NDE1: variants seen among roughly 807,000 people sequenced by gnomAD.
NDE1 encodes the protein nuclear distribution protein nudE homolog 1.
A neutral mutation model predicts 43.4 loss-of-function variants in NDE1; 28 were observed. The observed-to-expected ratio is 0.65, with a 90% CI of 0.48 to 0.89. The LOEUF is 0.89. Ranked by LOEUF, NDE1 falls within the 40% of genes least tolerant of loss-of-function variation. The probability of loss-of-function intolerance (pLI) is 0.00; values close to 1 mark genes in which losing one functional copy is unlikely to be tolerated. For synonymous variants in NDE1, 184 were observed against 172.0 expected (o/e 1.07, Z -0.55); for missense variants, 441 against 434.1 (o/e 1.02, Z -0.14).
intron 3 of NDE1, among the ~76,000 whole-genome samples, chr16:15,671,685 T>C (rs2037601343): frequency 6.6e-6 from 1 of 151,868 alleles, no homozygotes; most frequent in Admixed American, 6.6e-5. Context: ...ATCGTTCTTT[T>C]TGTTGTTGTT....
intron 8 of NDE1, among the ~76,000 whole-genome samples, chr16:15,699,235 G>C (rs9927430): frequency 0.13 from 19,248 of 150,590 alleles, 2,910 homozygotes; most frequent in African/African-American, 0.37. Context: ...AGTGCTGGGG[G>C]TTACAAGCGT....
intron 4 of NDE1, among the ~76,000 whole-genome samples, chr16:15,680,437 A>AT (rs1317320764): frequency 6.6e-6 from 1 of 152,148 alleles, no homozygotes; most frequent in Non-Finnish European, 1.5e-5. Context: ...TGTTGTAAAC[A>AT]TTTTACTTAG....
At position 15,691,196 on chromosome 16, in the gene NDE1, C is replaced by A. The variant is rs760206262; in HGVS notation, c.576C>A (p.Pro192=). ...AGAAGCAGGAGAAACCCAGGACCCC[C>A]ATGCCCAGCTCAGTGGAAGCTGAGA... ...VQQKQEKPRT[P]MPSSVEAERT... Residue 192 remains proline (P), a synonymous_variant, in exon 6 of 9, where the codon CCC becomes CCA. Coordinates refer to ENST00000396354, the MANE Select transcript of NDE1 (RefSeq NM_017668.3). 2 of 1,614,190 alleles carry A rather than the reference C, an allele frequency of 1.2e-6. No individual in the cohort carries two copies. The highest frequency in any genetic ancestry group is 1.6e-4 in the Middle Eastern group (1 of 6,062).
chr16:15,709,094 C>CA (rs1467946672), intron 8 of NDE1, among the ~76,000 whole-genome samples: 7 of 151,810 alleles, frequency 4.6e-5, no homozygotes, highest in African/African-American at 1.7e-4. Context: ...AGGCAGGCCC[C>CA]ACGTGCTTGG....
chr16:15,662,530 G>C (rs1051471258), intron 1 of NDE1, among the ~76,000 whole-genome samples: 1 of 151,920 alleles, frequency 6.6e-6, no homozygotes, highest in Non-Finnish European at 1.5e-5. Flanking sequence ...TGATCCGCCT[G>C]CCTCGGCCTC....
chr16:15,708,903 T>A lies in NDE1; in HGVS notation c.947+12043T>A, dbSNP rs2039620743. ...GCAAACAAGAAGGAGCCCGGTTAAGTATATTCTTAATTGTTAAAGACATTT... is the reference window on the plus strand; with the variant it reads ...GCAAACAAGAAGGAGCCCGGTTAAGAATATTCTTAATTGTTAAAGACATTT... On this transcript the variant is annotated intron_variant, in intron 8 of 8. Transcript: ENST00000396354. 9 of 1,474,712 alleles carry A rather than the reference T, an allele frequency of 6.1e-6. No homozygotes were observed. The Admixed American group carries it at 1.7e-4, about 27-fold the overall frequency. The allele number at this position is 1,474,712 out of a possible 1,614,324, so 91.4% of individuals were successfully genotyped here. A position where few individuals can be genotyped will look rare whatever the true frequency, so the allele number is the denominator to read the frequency against.
intron 1 of NDE1, among the ~76,000 whole-genome samples, chr16:15,661,396 C>G (rs1208021237): frequency 2.0e-5 from 3 of 152,126 alleles, no homozygotes; most frequent in Non-Finnish European, 4.4e-5. Flanking sequence ...GATCCACCTG[C>G]CTCGGCCTCC....
chr16:15,664,040 G>A (rs899955705), intron 1 of NDE1, among the ~76,000 whole-genome samples: 1 of 152,142 alleles, frequency 6.6e-6, no homozygotes, highest in African/African-American at 2.4e-5. Flanking sequence ...CTGCACTCCA[G>A]CCTGGGTGAT....
Position 15,724,820 on chromosome 16 carries a change from G to C in NDE1, c.*569G>C. 6.2e-7 allele frequency: 1 copy of C among 1,613,742 alleles called. No homozygotes were observed. Reference sequence around the variant, plus strand: ...AGCTCCTGCAAAAGGGATGCAAAGAGGTCCCAGGGACCTGCCCCGAGGAAG... The same window carrying C: ...AGCTCCTGCAAAAGGGATGCAAAGACGTCCCAGGGACCTGCCCCGAGGAAG... On this transcript the variant is annotated 3_prime_UTR_variant, in exon 9 of 9. Coordinates refer to ENST00000396354, the MANE Select transcript of NDE1 (RefSeq NM_017668.3).
chr16:15,720,805 A>C, intron 8 of NDE1: 3 of 1,594,912 alleles, frequency 1.9e-6, no homozygotes, highest in Non-Finnish European at 2.6e-6. Context: ...AGGCCACCCG[A>C]CCTCCCTCTG....
upstream of NDE1, among the ~76,000 whole-genome samples, chr16:15,650,068 G>T (rs1015195137): frequency 2.0e-5 from 3 of 152,162 alleles, no homozygotes; most frequent in African/African-American, 7.2e-5. Flanking sequence ...CCGGCCAGGA[G>T]CCTTCGCCGC....
At chr16:15,644,232 G>C (rs944519154) in intron 1 of NDE1, among the ~76,000 whole-genome samples, 1 of 152,184 alleles carries the variant, frequency 6.6e-6, no homozygotes, top group Non-Finnish European at 1.5e-5. Context: ...CTTTGCAAAA[G>C]AATCAGTAAG....
chr16:15,704,223 G>T, intron 8 of NDE1: 1 of 1,434,766 alleles, frequency 7.0e-7, no homozygotes, highest in Non-Finnish European at 9.5e-7. Context: ...TAGTCCTATT[G>T]CAATATAAAT....
At chr16:15,694,412 C>G in intron 7 of NDE1, 156 bp downstream of exon 7, 1 of 1,499,114 alleles carries the variant, frequency 6.7e-7, no homozygotes, top group Admixed American at 2.0e-5. Context: ...GTGGTATGAT[C>G]ACAACTCACT....
At chr16:15,702,989 A>G (rs1256493619) in intron 8 of NDE1, among the ~76,000 whole-genome samples, 1 of 152,044 alleles carries the variant, frequency 6.6e-6, no homozygotes, top group Non-Finnish European at 1.5e-5. Context: ...GTTGTAGGCA[A>G]TTGATTTCAC....
chr16:15,646,516 G>A (rs2036332020), upstream of NDE1, among the ~76,000 whole-genome samples: 1 of 152,108 alleles, frequency 6.6e-6, no homozygotes, highest in Non-Finnish European at 1.5e-5. Context: ...AGGAGGAAGA[G>A]GTTGCGGTGA....
At chr16:15,714,201 G>A (rs113788397) in intron 8 of NDE1, 4,550 of 153,496 alleles carry the variant, frequency 0.03, 232 homozygotes, top group African/African-American at 0.1. Context: ...AGCAGCCCTT[G>A]GGAGCAGGGG....
chr16:15,675,826 T>C (rs1463092086), intron 3 of NDE1, among the ~76,000 whole-genome samples: 1 of 152,144 alleles, frequency 6.6e-6, no homozygotes, highest in African/African-American at 2.4e-5. Flanking sequence ...GGTTTGGGGC[T>C]GGTTAGCATA....
At chr16:15,662,607 C>G (rs950692485) in intron 1 of NDE1, among the ~76,000 whole-genome samples, 7 of 150,994 alleles carry the variant, frequency 4.6e-5, no homozygotes, top group Admixed American at 2.6e-4. Flanking sequence ...AATAGGATCT[C>G]ACTTCATCAC....
Sources: gnomAD v4.1 joint callset for allele counts (sites outside exome capture counted in the v4.1 genomes callset) on GRCh38, gnomAD v4.1.1 for gene constraint, MANE v1.5 for transcripts, NCBI Gene and HGNC (gene_info 2026-07-23, HGNC 2026-07-21) for gene names.